The following EPSTI1 variants were observed in gnomAD, a reference collection of about 807,000 sequenced individuals.
The protein encoded by EPSTI1 is epithelial-stromal interaction protein 1.
A neutral mutation model predicts 49.9 loss-of-function variants in EPSTI1; 66 were observed. The ratio of observed to expected loss-of-function variants is 1.32; its 90% CI spans 1.08 to 1.62. EPSTI1 has a LOEUF of 1.62. EPSTI1 is among the 40% of genes most tolerant of loss of function. The pLI, the probability that EPSTI1 is intolerant of heterozygous loss-of-function variation, is 0.00. For synonymous variants in EPSTI1, 137 were observed against 130.7 expected (o/e 1.05, Z -0.33); for missense variants, 394 against 365.5 (o/e 1.08, Z -0.64).
chr13:42,929,839 C>T (rs2038304620), intron 6 of EPSTI1, among the ~76,000 whole-genome samples: 1 of 152,180 alleles, frequency 6.6e-6, no homozygotes, highest in Admixed American at 6.5e-5. Context: ...CCCACACAGA[C>T]TATGGTGGTG....
intron 8 of EPSTI1, among the ~76,000 whole-genome samples, chr13:42,908,484 GAAAAAAAA>G (rs140923122): frequency 4.4e-5 from 5 of 113,352 alleles, no homozygotes; most frequent in Non-Finnish European, 5.2e-5. Flanking sequence ...ACTCTGTTAT[GAAAAAAAA>G]AAAAAAAAAA....
intron 6 of EPSTI1, 69 bp downstream of exon 6, chr13:42,953,879 C>T: frequency 7.9e-7 from 1 of 1,259,802 alleles, no homozygotes; most frequent in Non-Finnish European, 1.1e-6. Flanking sequence ...AAGTTAGCAT[C>T]ACCTGAATTT....
rs78689101 is a variant in EPSTI1, at chr13:42,915,595, G to A, written c.741+1946C>T. On this transcript the variant is annotated intron_variant, in intron 8 of 10. Transcript: ENST00000313624. ...ACAACACGTCAGGCAAAAAAAGAGA[G>A]AAGCAAAAGTAAGGTAGAATAGATG... is the stretch of plus-strand genomic sequence containing the variant. Among the ~76,000 whole-genome samples the A allele has an allele frequency of 4.6e-3, 699 of 152,276 alleles. 8 individuals carry two copies. Among genetic ancestry groups the A allele is most frequent in the African/African-American group, 0.016 (678 of 41,566 alleles).
chr13:42,933,022 TACTGTC>T (rs562898930), intron 6 of EPSTI1, among the ~76,000 whole-genome samples: 161 of 152,276 alleles, frequency 1.1e-3, no homozygotes, highest in Admixed American at 2.1e-3. Context: ...AAAAATGAGG[TACTGTC>T]ACATATTGGA....
chr13:42,904,451 T>TA (rs1327961607), intron 8 of EPSTI1, among the ~76,000 whole-genome samples: 1 of 152,334 alleles, frequency 6.6e-6, no homozygotes, highest in African/African-American at 2.4e-5. Context: ...AACACTCTGG[T>TA]ATAGCATCTA....
At chr13:42,931,985 A>G (rs2038391321) in intron 6 of EPSTI1, among the ~76,000 whole-genome samples, 1 of 152,182 alleles carries the variant, frequency 6.6e-6, no homozygotes, top group Admixed American at 6.5e-5. Context: ...GTTTCTTGAG[A>G]CAGGGTCTCA....
At chr13:42,963,495 G>C in intron 4 of EPSTI1, 157 bp from the exon 5 acceptor site, 1 of 607,558 alleles carries the variant, frequency 1.6e-6, no homozygotes. Flanking sequence ...AGATCACAGA[G>C]AATGGCCGGG....
At chr13:42,903,383 A>T (rs2037415055) in intron 8 of EPSTI1, among the ~76,000 whole-genome samples, 1 of 152,140 alleles carries the variant, frequency 6.6e-6, no homozygotes, top group South Asian at 2.1e-4. Context: ...GAACACATGG[A>T]TGGGGACAAC....
rs1479353415 is a variant in EPSTI1, at chr13:42,953,934, A to C, written c.563+14T>G. 2 of 1,607,556 alleles carry C rather than the reference A, an allele frequency of 1.2e-6. No homozygotes were observed. ...TGCCTATAAAGGCACGAAGTTCTGA[A>C]AACATTAACTTACTATTGCTGATGC... On this transcript the variant is annotated intron_variant, in intron 6 of 10. Transcript: ENST00000313624.
At chr13:42,921,474 G>T (rs2037991503) in intron 7 of EPSTI1, among the ~76,000 whole-genome samples, 1 of 152,132 alleles carries the variant, frequency 6.6e-6, no homozygotes, top group Non-Finnish European at 1.5e-5. Flanking sequence ...GTCTTCTCTT[G>T]GGAAGCCACT....
chr13:42,905,848 A>C (rs528295516), intron 8 of EPSTI1, among the ~76,000 whole-genome samples: 29 of 152,378 alleles, frequency 1.9e-4, no homozygotes, highest in African/African-American at 6.5e-4. Flanking sequence ...TGGGAATACA[A>C]GGAAGGAATG....
At chr13:42,991,554 G>C (rs555913962) in intron 1 of EPSTI1, among the ~76,000 whole-genome samples, 1 of 152,176 alleles carries the variant, frequency 6.6e-6, no homozygotes, top group Non-Finnish European at 1.5e-5. Context: ...CAAAGTGCTG[G>C]GATAACAGGC....
rs577336296 is a variant in EPSTI1 at position 42,936,450 on chromosome 13, T to C, written c.564-10021A>G. 3.3e-5 allele frequency among the ~76,000 whole-genome samples: 5 copies of C among 152,356 alleles called. No individual in the cohort carries two copies. In the South Asian group the frequency reaches 1.0e-3, roughly 32 times the overall value. ...AGATCACAGCCACTGTCACTGGTCC[T>C]TCTCTCATTTGAACTTTCAACACTA... On this transcript the variant is annotated intron_variant, in intron 6 of 10. Coordinates refer to ENST00000313624, the MANE Select transcript of EPSTI1 (RefSeq NM_033255.5).
intron 5 of EPSTI1, among the ~76,000 whole-genome samples, chr13:42,958,862 C>T (rs1365807982): frequency 3.9e-5 from 6 of 151,916 alleles, no homozygotes; most frequent in African/African-American, 1.5e-4. Context: ...TGTAGTGTGG[C>T]AAAAGAAAAA....
chr13:42,901,414 G>A (rs1357385474), intron 8 of EPSTI1, among the ~76,000 whole-genome samples: 1 of 152,112 alleles, frequency 6.6e-6, no homozygotes, highest in Non-Finnish European at 1.5e-5. Context: ...CAAATACATT[G>A]CTCATCAATC....
At position 42,970,620 on chromosome 13, in the gene EPSTI1, A is replaced by C; in HGVS notation, c.239T>G (p.Ile80Arg). The change falls in exon 2 of 11, where the codon ATA (isoleucine) becomes AGA (arginine). Residue 80 changes from isoleucine to arginine, a missense_variant. By Grantham distance (97) the Ile-to-Arg change is moderately conservative. Coordinates refer to ENST00000313624, the MANE Select transcript of EPSTI1 (RefSeq NM_033255.5). ...TGAATGACTATACATACTTCTTTGT[A>C]TCTCATTTCTCCGGTTTATATTTGG... is the stretch of plus-strand genomic sequence containing the variant. ...IAPNINRRNE[I>R]QRIAEQELAN... 1 of 1,600,538 alleles carries C rather than the reference A, an allele frequency of 6.2e-7. No individual in the cohort carries two copies. The highest frequency in any genetic ancestry group is 8.5e-7 in the Non-Finnish European group (1 of 1,170,060).
intron 8 of EPSTI1, among the ~76,000 whole-genome samples, chr13:42,904,882 A>G (rs1342104030): frequency 1.3e-5 from 2 of 152,252 alleles, no homozygotes; most frequent in African/African-American, 4.8e-5. Context: ...AAACTACACA[A>G]GAAAATGTTA....
At chr13:42,925,985 T>C (rs1434849511) in intron 7 of EPSTI1, among the ~76,000 whole-genome samples, 3 of 60,408 alleles carry the variant, frequency 5.0e-5, no homozygotes, top group Admixed American at 1.8e-4. Context: ...TATAGACCTA[T>C]GAATTTAAAG....
At chr13:42,990,311 G>A (rs187923523) in intron 1 of EPSTI1, among the ~76,000 whole-genome samples, 101 of 152,202 alleles carry the variant, frequency 6.6e-4, no homozygotes, top group African/African-American at 2.4e-3. Context: ...TTAAGGCCTG[G>A]ATAACCCATC....
Sources: allele counts gnomAD v4.1 joint callset (sites outside exome capture counted in the v4.1 genomes callset), GRCh38; gene constraint gnomAD v4.1.1; transcripts MANE v1.5; gene names NCBI Gene and HGNC (gene_info 2026-07-23, HGNC 2026-07-21).